Variants in POGZ observed in about 807,000 individuals in gnomAD.
The protein encoded by POGZ is pogo transposable element derived with ZNF domain, also known as pogo transposable element with ZNF domain.
In POGZ, 17 loss-of-function variants were observed where a neutral mutation model predicts 134.6. The observed-to-expected ratio is 0.13, with a 90% CI of 0.09 to 0.19. The LOEUF (loss-of-function observed/expected upper bound fraction) is 0.19, where lower values mean the gene tolerates loss of function less well. POGZ is among the 10% of genes least tolerant of loss of function. The probability of loss-of-function intolerance (pLI) is 1.00; values close to 1 mark genes in which losing one functional copy is unlikely to be tolerated. For missense variants in POGZ, 1,306 were observed against 1,769.7 expected (o/e 0.74, Z 4.70); for synonymous variants, 693 against 657.1 (o/e 1.05, Z -0.84).
intron 10 of POGZ, among the ~76,000 whole-genome samples, chr1:151,423,064 AACT>A (rs1657207699): frequency 6.6e-6 from 1 of 152,236 alleles, no homozygotes; most frequent in African/African-American, 2.4e-5. Context: ...ATCAGGGTTT[AACT>A]AAAGTGGAAG....
chr1:151,441,398 G>C (rs996542880), intron 2 of POGZ, among the ~76,000 whole-genome samples: 1 of 152,128 alleles, frequency 6.6e-6, no homozygotes. Context: ...ATTACCACTA[G>C]TGGTATTCAT....
chr1:151,421,006 T>TAC lies in POGZ; in HGVS notation c.1678+2389_1678+2390dup, dbSNP rs1553222373. ...GTTTTTTCATATATATATATATATA[T>TAC]ACCTATGATAAAGTTTAATTTATAA... On this transcript the variant is annotated intron_variant, in intron 10 of 18. Coordinates refer to ENST00000271715, the MANE Select transcript of POGZ (RefSeq NM_015100.4). Among the ~76,000 whole-genome samples, 192 of 149,644 alleles carry TAC rather than the reference T, an allele frequency of 1.3e-3. 1 individual carries two copies. Among genetic ancestry groups the TAC allele is most frequent in the African/African-American group, 4.2e-3 (172 of 41,062 alleles).
rs1653236917 is a variant in POGZ, at chr1:151,404,625, C to T, written c.*177G>A. ...CTCAGACGTGATTACTATTGGTTTT[C>T]CTAATTAATCCACAAATCCACAGGG... is the stretch of plus-strand genomic sequence containing the variant. On this transcript the variant is annotated 3_prime_UTR_variant, in exon 19 of 19. Transcript: ENST00000271715. 21 of 1,360,498 alleles carry T rather than the reference C, an allele frequency of 1.5e-5. No homozygotes were observed. The South Asian group carries it at 3.4e-4, about 22-fold the overall frequency. 84.3% of individuals were successfully genotyped at this position (1,360,498 alleles called of 1,614,324 possible).
chr1:151,404,213 G>T lies in POGZ; in HGVS notation c.*589C>A, dbSNP rs1372228966. The T allele has an allele frequency of 2.0e-6, 2 of 985,472 alleles. No homozygotes were observed. The highest frequency in any genetic ancestry group is 1.2e-6 in the Non-Finnish European group (1 of 829,776). The allele number at this position is 985,472 out of a possible 1,614,324, so 61.0% of individuals were successfully genotyped here. On this transcript the variant is annotated 3_prime_UTR_variant, in exon 19 of 19. Transcript: ENST00000271715. ...GGAGAAGGAAGAGAGAGTTCAGTGGGACTTTTTTTCCATTTTCATTTTTAT... is the reference window on the plus strand; with the variant it reads ...GGAGAAGGAAGAGAGAGTTCAGTGGTACTTTTTTTCCATTTTCATTTTTAT...
At chr1:151,453,827 T>C (rs1187042746) in intron 1 of POGZ, among the ~76,000 whole-genome samples, 3 of 152,202 alleles carry the variant, frequency 2.0e-5, no homozygotes, top group Non-Finnish European at 4.4e-5. Flanking sequence ...TATGATCAGC[T>C]AGTCAATAAA....
chr1:151,428,318 G>A lies in POGZ; in HGVS notation c.664C>T (p.Pro222Ser). ...VRPGSTMPVR[P>S]TTNTFTTVIP... ...ACGGTGGTGAAGGTGTTGGTGGTGG[G>A]CCTCACAGGCATTGTGGAGCCTGGC... Residue 222 changes from proline to serine, a missense_variant, in exon 6 of 19, where the codon CCC becomes TCC. Pro to Ser is a moderately conservative substitution (Grantham distance 74). Transcript: ENST00000271715. 3.1e-6 allele frequency: 5 copies of A among 1,614,006 alleles called. No homozygotes were observed. The highest frequency in any genetic ancestry group is 4.2e-6 in the Non-Finnish European group (5 of 1,179,952).
At chr1:151,432,228 T>C (rs1327411182) in intron 3 of POGZ, among the ~76,000 whole-genome samples, 2 of 152,086 alleles carry the variant, frequency 1.3e-5, no homozygotes, top group Non-Finnish European at 2.9e-5. Context: ...AAGCAAAATA[T>C]GGCCTCAACT....
chr1:151,455,483 A>G (rs1221115528), intron 1 of POGZ, among the ~76,000 whole-genome samples: 1 of 152,230 alleles, frequency 6.6e-6, no homozygotes, highest in African/African-American at 2.4e-5. Flanking sequence ...GACTGACTGA[A>G]TGATTCTCAT....
chr1:151,407,270 G>A lies in POGZ; in HGVS notation c.2397C>T (p.Ser799=). ...HMINNHVPRK[S]PKYLALFKNS... ...TTTTAAACAAAGCCAAATACTTGGG[G>A]CTCTTCCGTGGAACATGATTGCTGA... The change falls in exon 16 of 19, where the codon AGC becomes AGT. Residue 799 remains serine, a synonymous_variant. Transcript: ENST00000271715. 2 of 1,609,664 alleles carry A rather than the reference G, an allele frequency of 1.2e-6. No individual in the cohort carries two copies. Among genetic ancestry groups the A allele is most frequent in the Non-Finnish European group, 1.7e-6 (2 of 1,178,020 alleles).
intron 1 of POGZ, chr1:151,455,249 A>C (rs1176318747): frequency 1.3e-5 from 2 of 152,220 alleles, no homozygotes; most frequent in African/African-American, 4.8e-5. Flanking sequence ...CCAGCTCTAA[A>C]GTTTTTATTT....
rs769941353 is a variant in POGZ, at chr1:151,405,039, G to A, written c.3996C>T (p.Pro1332=). 6.8e-6 allele frequency: 11 copies of A among 1,613,998 alleles called. No individual in the cohort carries two copies. The highest frequency in any genetic ancestry group is 6.7e-5 in the Admixed American group (4 of 60,004). ...TTGTAGGTGAGTTAATGTTGCCATC[G>A]GGGCCAGGCAGAACACTAGCCACCA... ...SFLVASVLPG[P]DGNINSPTRN... Residue 1332 remains proline, a synonymous_variant, in exon 19 of 19, where the codon CCC becomes CCT. Coordinates refer to ENST00000271715, the MANE Select transcript of POGZ (RefSeq NM_015100.4). This position sits in a 1 kb window ranked among gnomAD's most constrained non-coding sequence, Gnocchi z 4.9.
rs1653204527 is a variant in POGZ, at chr1:151,404,411, C to G, written c.*391G>C. On this transcript the variant is annotated 3_prime_UTR_variant, in exon 19 of 19. Transcript: ENST00000271715. ...CACACAATAAAACAAACAAAAAAAC[C>G]CAGTACTATGATACAATTGAGGTAA... 1 of 993,902 alleles carries G rather than the reference C, an allele frequency of 1.0e-6. No individual in the cohort carries two copies. Among genetic ancestry groups the G allele is most frequent in the Non-Finnish European group, 1.2e-6 (1 of 834,638 alleles). The allele number at this position is 993,902 out of a possible 1,614,324, so 61.6% of individuals were successfully genotyped here. A position where few individuals can be genotyped will look rare whatever the true frequency, so the allele number is the denominator to read the frequency against.
chr1:151,451,568 C>G (rs1452712382), intron 1 of POGZ, among the ~76,000 whole-genome samples: 1 of 151,536 alleles, frequency 6.6e-6, no homozygotes, highest in Non-Finnish European at 1.5e-5. Context: ...TCAGGTGATC[C>G]ACCCGCCTCA....
chr1:151,404,213 G>A lies in POGZ; in HGVS notation c.*589C>T. ...GGAGAAGGAAGAGAGAGTTCAGTGG[G>A]ACTTTTTTTCCATTTTCATTTTTAT... On this transcript the variant is annotated 3_prime_UTR_variant, in exon 19 of 19. Coordinates refer to ENST00000271715, the MANE Select transcript of POGZ (RefSeq NM_015100.4). 2 of 985,588 alleles carry A rather than the reference G, an allele frequency of 2.0e-6. No homozygotes were observed. Among genetic ancestry groups the A allele is most frequent in the Non-Finnish European group, 1.2e-6 (1 of 829,766 alleles). The allele number at this position is 985,588 out of a possible 1,614,324, so 61.1% of individuals were successfully genotyped here.
rs1557867690 is a variant in POGZ, at chr1:151,406,307, A to C, written c.2728T>G (p.Ser910Ala). 6.2e-7 allele frequency: 1 copy of C among 1,610,720 alleles called. No individual in the cohort carries two copies. Among genetic ancestry groups the C allele is most frequent in the East Asian group, 2.2e-5 (1 of 44,852 alleles). ...LLTPLAPALP[S>A]PASTATPPPT... is the part of the protein sequence containing the mutation. ...GGTGGGGTTGCAGTTGAGGCTGGTG[A>C]TGGGAGTGCTGGGGCTAAGGGAGTT... Residue 910 changes from serine to alanine, a missense_variant, in exon 19 of 19, where the codon TCA becomes GCA. This residue lies in a region of POGZ where 214 missense variants were observed against 255.5 expected (regional missense o/e 0.84). Transcript: ENST00000271715.
At chr1:151,435,190 T>C (rs1659376815) in intron 3 of POGZ, among the ~76,000 whole-genome samples, 1 of 152,106 alleles carries the variant, frequency 6.6e-6, no homozygotes, top group African/African-American at 2.4e-5. Context: ...CGTGAGCCAC[T>C]GCGCCCAGCC....
At position 151,423,432 on chromosome 1, in the gene POGZ, T is replaced by C; in HGVS notation, c.1643A>G (p.His548Arg). 1 of 1,614,104 alleles carries C rather than the reference T, an allele frequency of 6.2e-7. No homozygotes were observed. The highest frequency in any genetic ancestry group is 8.5e-7 in the Non-Finnish European group (1 of 1,179,954). ...ATAGGGACTATGAACATTTTCCAAG[T>C]GGCACTGAAGCTGGAAGGGAGTGGA... Reference protein sequence around the residue: ...QFSTPFQLQCHLENVHSPYES... With the variant: ...QFSTPFQLQCRLENVHSPYES... The change falls in exon 10 of 19, where the codon CAC becomes CGC. Residue 548 changes from histidine to arginine, a missense_variant. Transcript: ENST00000271715.
chr1:151,408,268 C>T, intron 14 of POGZ, 28 bp from the exon 15 acceptor site: 1 of 1,604,866 alleles, frequency 6.2e-7, no homozygotes, highest in Non-Finnish European at 8.5e-7. Flanking sequence ...AAAGAATTCT[C>T]ATTACTGCCT....
At chr1:151,458,554 C>T (rs1557964680) in intron 1 of POGZ, among the ~76,000 whole-genome samples, 1 of 151,198 alleles carries the variant, frequency 6.6e-6, no homozygotes, top group Admixed American at 6.6e-5. Context: ...CTTCTCGGAG[C>T]GGGAATGGGG....
Sources: gnomAD v4.1 joint callset for allele counts (sites outside exome capture counted in the v4.1 genomes callset) on GRCh38, gnomAD v4.1.1 for gene constraint, gnomAD v4.1.1 regional missense constraint, Gnocchi (gnomAD v3.1) non-coding constraint, MANE v1.5 for transcripts, NCBI Gene and HGNC (gene_info 2026-07-23, HGNC 2026-07-21) for gene names.